Variants in SYNE1 observed in about 807,000 individuals in gnomAD.
The protein encoded by SYNE1 is nesprin-1.
SYNE1 carries 616 observed loss-of-function variants against 1,111.0 expected under a neutral mutation model. The observed-to-expected ratio is 0.55, with a 90% CI of 0.52 to 0.59. The LOEUF (loss-of-function observed/expected upper bound fraction) is 0.59. Among genes scored for constraint, SYNE1 ranks in the 20% least tolerant of loss-of-function variants. SYNE1 has a pLI of 0.00. For synonymous variants in SYNE1, 3,855 were observed against 3,825.8 expected (o/e 1.01, Z -0.28); for missense variants, 10,006 against 10,417.0 (o/e 0.96, Z 1.72).
chr6:152,441,213 G>C lies in SYNE1; in HGVS notation c.4066C>G (p.Leu1356Val), dbSNP rs1289176055. The change falls in exon 32 of 146, where the codon CTT becomes GTT. Residue 1356 changes from leucine to valine, a missense_variant. Coordinates refer to ENST00000367255, the MANE Select transcript of SYNE1 (RefSeq NM_182961.4). ...TCATGACTGGAACCTGTTTGAAAAA[G>C]GTATCTTACTACTGTTTCTTTGTTT... is the stretch of plus-strand genomic sequence containing the variant. ...ETNKETVVRY[L>V]FQTGSSHERF... The C allele has an allele frequency of 3.1e-6, 5 of 1,612,328 alleles. No individual in the cohort carries two copies. The highest frequency in any genetic ancestry group is 4.2e-6 in the Non-Finnish European group (5 of 1,179,106).
At chr6:152,196,836 G>A (rs2074250120) in intron 127 of SYNE1, among the ~76,000 whole-genome samples, 1 of 152,066 alleles carries the variant, frequency 6.6e-6, no homozygotes. Context: ...GCCCAGTACT[G>A]CACTAGGACC....
intron 32 of SYNE1, among the ~76,000 whole-genome samples, chr6:152,437,531 A>T (rs1166703814): frequency 2.0e-5 from 3 of 152,146 alleles, no homozygotes; most frequent in Non-Finnish European, 4.4e-5. Context: ...CAATATACTT[A>T]TTTTAAATAT....
intron 25 of SYNE1, 49 bp downstream of exon 25, chr6:152,453,537 T>G (rs1313151940): frequency 1.2e-6 from 2 of 1,614,082 alleles, no homozygotes; most frequent in Admixed American, 1.7e-5. Flanking sequence ...ACGCTCAAGC[T>G]TCTCCCTTCA....
intron 8 of SYNE1, among the ~76,000 whole-genome samples, chr6:152,506,476 A>G (rs2099058704): frequency 6.6e-6 from 1 of 152,154 alleles, no homozygotes; most frequent in African/African-American, 2.4e-5. Flanking sequence ...ATGAAAAAAT[A>G]CAACCTGAAT....
At position 152,483,182 on chromosome 6, in the gene SYNE1, A is replaced by G; in HGVS notation, c.1253T>C (p.Leu418Pro). 6.2e-7 allele frequency: 1 copy of G among 1,614,188 alleles called. No individual in the cohort carries two copies. ...PAPLGTIGAW[L>P]YRAEVALREE... ...TCTCAGGGCCACCTCCGCTCTGTAC[A>G]GCCAGGCACCTATGGTGCCCAGAGG... Residue 418 changes from leucine to proline, a missense_variant, in exon 14 of 146, where the codon CTG (leucine) becomes CCG (proline). By Grantham distance (98) the Leu-to-Pro change is moderately conservative (BLOSUM62 -3). Coordinates refer to ENST00000367255, the MANE Select transcript of SYNE1 (RefSeq NM_182961.4).
intron 142 of SYNE1, 45 bp downstream of exon 142, chr6:152,135,059 C>T: frequency 6.2e-7 from 1 of 1,613,596 alleles, no homozygotes; most frequent in South Asian, 1.1e-5. Flanking sequence ...TGAAATGCAA[C>T]CCTGCTAAAA....
chr6:152,413,510 T>C lies in SYNE1; in HGVS notation c.6072A>G (p.Leu2024=). 4 of 1,614,168 alleles carry C rather than the reference T, an allele frequency of 2.5e-6. No individual in the cohort carries two copies. The highest frequency in any genetic ancestry group is 3.4e-6 in the Non-Finnish European group (4 of 1,179,994). ...GCTCGTGAGAATTCAATTCATCTTC[T>C]AGCTGATTAAACACTCTTAACCTGT... ...LQQRLRVFNQ[L]EDELNSHEHE... is the part of the protein sequence containing the mutation. Residue 2024 remains leucine (L), a synonymous_variant, in exon 42 of 146, where the codon CTA becomes CTG. Coordinates refer to ENST00000367255, the MANE Select transcript of SYNE1 (RefSeq NM_182961.4).
Position 152,148,433 on chromosome 6 carries a change from T to A in SYNE1, c.24643-55A>T. On this transcript the variant is annotated intron_variant, in intron 136 of 145. Coordinates refer to ENST00000367255, the MANE Select transcript of SYNE1 (RefSeq NM_182961.4). The surrounding 1 kb of genome is among the most constrained non-coding windows in gnomAD (Gnocchi z 4.1). ...CTGTAGTGGTCAGACTAGCTTCTTATCTGGGCCACCTGCCTACCATGTGGG... is the reference window on the plus strand; with the variant it reads ...CTGTAGTGGTCAGACTAGCTTCTTAACTGGGCCACCTGCCTACCATGTGGG... The A allele has an allele frequency of 6.4e-7, 1 of 1,554,326 alleles. No individual in the cohort carries two copies.
chr6:152,381,442 G>A, intron 55 of SYNE1, 80 bp from the exon 56 acceptor site: 4 of 1,415,704 alleles, frequency 2.8e-6, no homozygotes, highest in South Asian at 1.1e-5. Context: ...TACACAGGGG[G>A]ACCCTGTCCT....
At chr6:152,363,436 G>C (rs916640579) in intron 63 of SYNE1, among the ~76,000 whole-genome samples, 10 of 150,880 alleles carry the variant, frequency 6.6e-5, no homozygotes, top group Non-Finnish European at 1.5e-4. Context: ...GGAGCTCGCA[G>C]TGAGCCGAGA....
intron 11 of SYNE1, among the ~76,000 whole-genome samples, chr6:152,489,725 C>A (rs2098960221): frequency 6.6e-6 from 1 of 152,134 alleles, no homozygotes; most frequent in African/African-American, 2.4e-5. Flanking sequence ...CAGGCACAAC[C>A]TACTCTAGGA....
chr6:152,458,240 G>A (rs2098709233), intron 22 of SYNE1, among the ~76,000 whole-genome samples: 1 of 152,146 alleles, frequency 6.6e-6, no homozygotes. Flanking sequence ...CTTTGATTAT[G>A]GGTACCCTTA....
chr6:152,273,037 C>A (rs995342276), intron 98 of SYNE1, among the ~76,000 whole-genome samples: 1 of 152,168 alleles, frequency 6.6e-6, no homozygotes, highest in African/African-American at 2.4e-5. Flanking sequence ...ATTTTATATG[C>A]TGGGAACTTC....
chr6:152,245,027 C>T lies in SYNE1; in HGVS notation c.19573-371G>A, dbSNP rs117942324. ...TATTTGCCTGAGATTTTCTAAGGGACCATGTTCTGCTGTCCTTGAAACGTA... is the reference window on the plus strand; with the variant it reads ...TATTTGCCTGAGATTTTCTAAGGGATCATGTTCTGCTGTCCTTGAAACGTA... On this transcript the variant is annotated intron_variant, in intron 105 of 145. Transcript: ENST00000367255. Among the ~76,000 whole-genome samples the T allele has an allele frequency of 4.6e-4, 70 of 152,284 alleles. No homozygotes were observed. In the East Asian group the frequency reaches 0.012, roughly 27 times the overall value.
intron 93 of SYNE1, 60 bp downstream of exon 93, chr6:152,300,581 A>G: frequency 6.2e-7 from 1 of 1,610,122 alleles, no homozygotes; most frequent in Non-Finnish European, 8.5e-7. Context: ...ATGGAAACAG[A>G]GAATGGAGTC....
intron 8 of SYNE1, among the ~76,000 whole-genome samples, chr6:152,509,224 G>T (rs1167957889): frequency 6.7e-6 from 1 of 149,746 alleles, no homozygotes; most frequent in African/African-American, 2.4e-5. Context: ...CTTTTTGAGA[G>T]CACTCTTTTT....
At chr6:152,337,064 T>G (rs1285925354) in intron 75 of SYNE1, 47 bp from the exon 76 acceptor site, 1 of 1,579,236 alleles carries the variant, frequency 6.3e-7, no homozygotes, top group Non-Finnish European at 8.6e-7. Flanking sequence ...CATGGAAACA[T>G]TTATGGTTAA....
intron 40 of SYNE1, among the ~76,000 whole-genome samples, chr6:152,417,514 AAACAAAC>A: frequency 6.6e-6 from 1 of 150,426 alleles, no homozygotes; most frequent in East Asian, 2.0e-4. Context: ...ACAAACAAAC[AAACAAAC>A]AAACACAACT....
At chr6:152,425,638 C>A in intron 38 of SYNE1, 91 bp from the exon 39 acceptor site, 1 of 1,480,376 alleles carries the variant, frequency 6.8e-7, no homozygotes. Flanking sequence ...AAAGGATTCG[C>A]ATTCTTGCAA....
Sources: allele counts gnomAD v4.1 joint callset (sites outside exome capture counted in the v4.1 genomes callset), GRCh38; gene constraint gnomAD v4.1.1; non-coding constraint Gnocchi (gnomAD v3.1); transcripts MANE v1.5; gene names NCBI Gene and HGNC (gene_info 2026-07-23, HGNC 2026-07-21).